The following GRID2 variants were observed in gnomAD, a reference collection of about 807,000 sequenced individuals.
GRID2 encodes glutamate receptor ionotropic, delta-2.
GRID2 carries 33 observed loss-of-function variants against 114.8 expected under a neutral mutation model. The ratio of observed to expected loss-of-function variants is 0.29; its 90% CI spans 0.22 to 0.38. GRID2 has a LOEUF of 0.38. GRID2 is among the 10% of genes least tolerant of loss of function. The pLI, the probability that GRID2 is intolerant of heterozygous loss-of-function variation, is 1.00. For missense variants in GRID2, 1,184 were observed against 1,257.7 expected (o/e 0.94, Z 0.89); for synonymous variants, 505 against 449.9 (o/e 1.12, Z -1.55).
At chr4:93,276,285 T>C (rs1752050743) in intron 8 of GRID2, among the ~76,000 whole-genome samples, 1 of 152,012 alleles carries the variant, frequency 6.6e-6, no homozygotes, top group African/African-American at 2.4e-5. Flanking sequence ...ATTTCTGAAC[T>C]CTTAATTCAA....
intron 4 of GRID2, among the ~76,000 whole-genome samples, chr4:93,123,740 A>G (rs1734004449): frequency 6.6e-6 from 1 of 152,170 alleles, no homozygotes; most frequent in Admixed American, 6.5e-5. Context: ...ACACATCCCT[A>G]GGTTATTCAT....
intron 7 of GRID2, among the ~76,000 whole-genome samples, chr4:93,235,563 A>G (rs1030797783): frequency 1.3e-5 from 2 of 152,252 alleles, no homozygotes; most frequent in African/African-American, 2.4e-5. Flanking sequence ...TCTGGGTGAT[A>G]TAACAATAGG....
chr4:93,298,248 A>G (rs1754519881), intron 8 of GRID2, among the ~76,000 whole-genome samples: 1 of 152,158 alleles, frequency 6.6e-6, no homozygotes, highest in Non-Finnish European at 1.5e-5. Context: ...AACTATTATA[A>G]CAAAGTGCCA....
chr4:93,439,231 A>C (rs1186381686), intron 10 of GRID2, among the ~76,000 whole-genome samples: 1 of 152,022 alleles, frequency 6.6e-6, no homozygotes, highest in Non-Finnish European at 1.5e-5. Context: ...TGGTATTTCT[A>C]GTTCTAGATC....
chr4:92,953,397 A>G (rs1752165274), intron 2 of GRID2, among the ~76,000 whole-genome samples: 2 of 152,216 alleles, frequency 1.3e-5, no homozygotes, highest in Admixed American at 6.5e-5. Flanking sequence ...AGTCTACTAT[A>G]AATGTTGATG....
intron 6 of GRID2, among the ~76,000 whole-genome samples, chr4:93,218,295 T>C (rs1744469794): frequency 6.6e-6 from 1 of 151,672 alleles, no homozygotes; most frequent in Admixed American, 6.6e-5. Context: ...AACCCAGAAG[T>C]TTGAGACCAG....
chr4:92,934,331 G>T (rs1750471657), intron 2 of GRID2, among the ~76,000 whole-genome samples: 1 of 151,650 alleles, frequency 6.6e-6, no homozygotes, highest in Admixed American at 6.6e-5. Flanking sequence ...TTGGCTCTCT[G>T]TCTGTTATTG....
chr4:92,468,306 G>T (rs1322274582), intron 1 of GRID2, among the ~76,000 whole-genome samples: 2 of 151,886 alleles, frequency 1.3e-5, no homozygotes, highest in African/African-American at 4.8e-5. Flanking sequence ...GAGACTTACA[G>T]AGACTGAATA....
intron 2 of GRID2, among the ~76,000 whole-genome samples, chr4:93,001,586 G>A (rs1720992626): frequency 6.6e-6 from 1 of 151,756 alleles, no homozygotes; most frequent in South Asian, 2.1e-4. Flanking sequence ...CCTGTATTTA[G>A]CTGGTACTGT....
chr4:92,708,687 A>G (rs1241757226), intron 2 of GRID2, among the ~76,000 whole-genome samples: 1 of 152,174 alleles, frequency 6.6e-6, no homozygotes, highest in Non-Finnish European at 1.5e-5. Context: ...AATAATCCCT[A>G]CTTTTCTCAG....
At chr4:92,601,537 CAA>C (rs1171317474) in intron 2 of GRID2, among the ~76,000 whole-genome samples, 1 of 151,940 alleles carries the variant, frequency 6.6e-6, no homozygotes, top group African/African-American at 2.4e-5. Context: ...GAAGCAGTGT[CAA>C]GAGGGAAATT....
At chr4:93,293,815 A>G (rs1227350949) in intron 8 of GRID2, among the ~76,000 whole-genome samples, 6 of 152,308 alleles carry the variant, frequency 3.9e-5, no homozygotes, top group African/African-American at 7.2e-5. Context: ...TCATTCATGT[A>G]CTATTTATTG....
At chr4:93,050,509 GGTGTGTGTGTGT>G (rs70942946) in intron 2 of GRID2, among the ~76,000 whole-genome samples, 2,410 of 144,102 alleles carry the variant, frequency 0.017, 51 homozygotes, top group Admixed American at 0.062. Flanking sequence ...AATAATACCT[GGTGTGTGTGTGT>G]GTGTGTGTGT....
At chr4:93,701,861 A>T (rs1727539575) in intron 14 of GRID2, among the ~76,000 whole-genome samples, 1 of 152,044 alleles carries the variant, frequency 6.6e-6, no homozygotes, top group Non-Finnish European at 1.5e-5. Flanking sequence ...CAGATATGCT[A>T]CAAATTTAAG....
rs1578220772 is a variant in GRID2, at chr4:92,810,096, G to A, written c.244+219810G>A. Among the ~76,000 whole-genome samples, 4 of 151,862 alleles carry A rather than the reference G, an allele frequency of 2.6e-5. No individual in the cohort carries two copies. The East Asian group carries it at 7.7e-4, about 29-fold the overall frequency. On this transcript the variant is annotated intron_variant, in intron 2 of 15. Coordinates refer to ENST00000282020, the MANE Select transcript of GRID2 (RefSeq NM_001510.4). ...AGATTTAATATGACTTCAATGTTGTGACTACTTAGTATAATTTATATCATC... is the reference window on the plus strand; with the variant it reads ...AGATTTAATATGACTTCAATGTTGTAACTACTTAGTATAATTTATATCATC...
chr4:92,756,163 T>C (rs191659421), intron 2 of GRID2, among the ~76,000 whole-genome samples: 1 of 152,298 alleles, frequency 6.6e-6, no homozygotes, highest in Admixed American at 6.5e-5. Context: ...ATCAACTTTT[T>C]AGCTCCCATA....
At chr4:93,318,819 G>A (rs1054782474) in intron 8 of GRID2, 32 of 152,154 alleles carry the variant, frequency 2.1e-4, no homozygotes, top group African/African-American at 7.0e-4. Flanking sequence ...GGCAAGGCAT[G>A]GCTGGAGTCA....
At position 92,934,762 on chromosome 4, in the gene GRID2, A is replaced by T. The variant is rs1435436338; in HGVS notation, c.245-150233A>T. 4.1e-5 allele frequency among the ~76,000 whole-genome samples: 6 copies of T among 146,960 alleles called. 2 individuals carry two copies. In the East Asian group the frequency reaches 1.3e-3, roughly 32 times the overall value. ...GTCTACAACTATCTGATCTTTGACAAACCTGAGAAAAACAAGCAGTGGGGA... is the reference window on the plus strand; with the variant it reads ...GTCTACAACTATCTGATCTTTGACATACCTGAGAAAAACAAGCAGTGGGGA... On this transcript the variant is annotated intron_variant, in intron 2 of 15. Coordinates refer to ENST00000282020, the MANE Select transcript of GRID2 (RefSeq NM_001510.4).
At chr4:93,791,616 A>G (rs1360674607) in intron 1 of GRID2, among the ~76,000 whole-genome samples, 3 of 152,242 alleles carry the variant, frequency 2.0e-5, no homozygotes, top group Non-Finnish European at 1.5e-5. Flanking sequence ...AGAAACAGAA[A>G]AAGAAATAGA....
Sources: allele counts gnomAD v4.1 joint callset (sites outside exome capture counted in the v4.1 genomes callset), GRCh38; gene constraint gnomAD v4.1.1; transcripts MANE v1.5; gene names NCBI Gene and HGNC (gene_info 2026-07-23, HGNC 2026-07-21).